Variants in JARID2 observed in about 807,000 individuals in gnomAD.
The protein encoded by JARID2 is protein Jumonji.
Under a neutral mutation model 125.6 loss-of-function variants are expected in JARID2, and 21 were observed. That is an observed-to-expected ratio of 0.17 (90% CI 0.12 to 0.24). JARID2 has a LOEUF of 0.24. Among genes scored for constraint, JARID2 ranks in the 10% least tolerant of loss-of-function variants. The pLI is 1.00. For synonymous variants in JARID2, 736 were observed against 661.6 expected, an observed-to-expected ratio of 1.11 and a Z score of -1.73; for missense variants, 1,303 against 1,639.6, an observed-to-expected ratio of 0.79 and a Z score of 3.55.
chr6:15,378,053 T>A (rs1052505600), intron 2 of JARID2, among the ~76,000 whole-genome samples: 17 of 151,702 alleles, frequency 1.1e-4, no homozygotes, highest in African/African-American at 4.1e-4. Flanking sequence ...CCCAGCTAAT[T>A]TTTTTGTGTA....
chr6:15,248,528 T>G (rs930592848), intron 1 of JARID2: 1 of 147,760 alleles, frequency 6.8e-6, no homozygotes, highest in South Asian at 2.1e-4. Flanking sequence ...CGGCCGAGCA[T>G]GGCGGCGGCG....
intron 3 of JARID2, among the ~76,000 whole-genome samples, chr6:15,445,816 G>A (rs1767649652): frequency 6.6e-6 from 1 of 152,218 alleles, no homozygotes; most frequent in Non-Finnish European, 1.5e-5. Context: ...GAATGGGCAA[G>A]TGGCATGGTA....
intron 1 of JARID2, among the ~76,000 whole-genome samples, chr6:15,309,223 G>A (rs1232744167): frequency 1.3e-5 from 2 of 151,986 alleles, no homozygotes; most frequent in Non-Finnish European, 2.9e-5. Flanking sequence ...ATCATCTTTG[G>A]GCTTAAAAAT....
chr6:15,347,341 G>T (rs957458757), intron 1 of JARID2, among the ~76,000 whole-genome samples: 7 of 152,180 alleles, frequency 4.6e-5, no homozygotes, highest in Non-Finnish European at 1.0e-4. Flanking sequence ...TGTGTGGGGA[G>T]GTGGTGGGAA....
intron 1 of JARID2, among the ~76,000 whole-genome samples, chr6:15,337,617 T>G (rs1450008418): frequency 6.6e-6 from 1 of 152,188 alleles, no homozygotes; most frequent in African/African-American, 2.4e-5. Context: ...GGAAAAGACA[T>G]AAGGATTAGG....
intron 1 of JARID2, among the ~76,000 whole-genome samples, chr6:15,357,928 T>G (rs1334824517): frequency 6.6e-6 from 1 of 152,232 alleles, no homozygotes; most frequent in Non-Finnish European, 1.5e-5. Context: ...TCTTCTGAGT[T>G]TACTGTTGTC....
At chr6:15,490,002 T>C (rs1330104369) in intron 6 of JARID2, among the ~76,000 whole-genome samples, 1 of 152,246 alleles carries the variant, frequency 6.6e-6, no homozygotes, top group Non-Finnish European at 1.5e-5. Context: ...TTAACCTTCC[T>C]GGGCCCTATT....
In JARID2 at chr6:15,274,873, A is replaced by G. The variant is rs1387232478; in HGVS notation, c.45+28289A>G. On this transcript the variant is annotated intron_variant, in intron 1 of 17. Coordinates refer to ENST00000341776, the MANE Select transcript of JARID2 (RefSeq NM_004973.4). ...AAAGCCACTGACAATCTGATGGTCT[A>G]AAGCTCCACCTGCAGTTAGAAAGAA... Among the ~76,000 whole-genome samples the G allele has an allele frequency of 4.6e-5, 7 of 152,196 alleles. No individual in the cohort carries two copies. In the East Asian group the frequency reaches 9.6e-4, roughly 21 times the overall value.
At chr6:15,356,870 T>C (rs1763616802) in intron 1 of JARID2, among the ~76,000 whole-genome samples, 1 of 151,960 alleles carries the variant, frequency 6.6e-6, no homozygotes, top group Admixed American at 6.6e-5. Context: ...CAACATTACC[T>C]GGTCTTGGTG....
At chr6:15,379,267 G>T (rs1241135722) in intron 2 of JARID2, among the ~76,000 whole-genome samples, 1 of 151,962 alleles carries the variant, frequency 6.6e-6, no homozygotes, top group Non-Finnish European at 1.5e-5. Context: ...ACAGCTTGTT[G>T]GTTATTGCTG....
At chr6:15,300,796 G>A (rs1761596267) in intron 1 of JARID2, among the ~76,000 whole-genome samples, 1 of 151,414 alleles carries the variant, frequency 6.6e-6, no homozygotes, top group African/African-American at 2.4e-5. Context: ...CCCCCTTTAT[G>A]TATGATTCTT....
chr6:15,475,179 G>C (rs16876416), intron 5 of JARID2, among the ~76,000 whole-genome samples: 13,859 of 152,256 alleles, frequency 0.091, 611 homozygotes, highest in African/African-American at 0.11. Context: ...ATTTCATTAT[G>C]AGTATCCATC....
intron 1 of JARID2, among the ~76,000 whole-genome samples, chr6:15,367,673 C>T (rs902520488): frequency 6.6e-6 from 1 of 152,186 alleles, no homozygotes; most frequent in African/African-American, 2.4e-5. Flanking sequence ...ACGATTACTT[C>T]GTTTCCCCCA....
chr6:15,362,353 T>G (rs1468895656), intron 1 of JARID2, among the ~76,000 whole-genome samples: 2 of 152,262 alleles, frequency 1.3e-5, no homozygotes, highest in Non-Finnish European at 2.9e-5. Context: ...ACTACTTGTT[T>G]ATTTCTAGGT....
intron 1 of JARID2, among the ~76,000 whole-genome samples, chr6:15,324,110 C>T (rs970232433): frequency 9.5e-5 from 14 of 147,886 alleles, no homozygotes; most frequent in Admixed American, 2.7e-4. Context: ...ACCGGGGAGG[C>T]AGAGCTTGCA....
At chr6:15,405,400 T>C (rs13208486) in intron 2 of JARID2, among the ~76,000 whole-genome samples, 15,010 of 152,310 alleles carry the variant, frequency 0.099, 857 homozygotes, top group South Asian at 0.18. Flanking sequence ...TAAATGGTCT[T>C]GGATCCCAGA....
chr6:15,408,976 C>T (rs866763699), intron 2 of JARID2, among the ~76,000 whole-genome samples: 15 of 152,124 alleles, frequency 9.9e-5, no homozygotes, highest in Admixed American at 7.2e-4. Context: ...AGTGAATAAC[C>T]GTGTGTTTTA....
chr6:15,258,430 G>A (rs981465061), intron 1 of JARID2, among the ~76,000 whole-genome samples: 3 of 152,136 alleles, frequency 2.0e-5, no homozygotes, highest in Non-Finnish European at 4.4e-5. Context: ...TTCATTATTG[G>A]CCTCTCAAGG....
chr6:15,480,875 A>G (rs1188504526), intron 5 of JARID2, among the ~76,000 whole-genome samples: 1 of 152,154 alleles, frequency 6.6e-6, no homozygotes, highest in African/African-American at 2.4e-5. Flanking sequence ...TCAGTTTCTC[A>G]TAGGGCTGCC....
Sources: allele counts gnomAD v4.1 joint callset (sites outside exome capture counted in the v4.1 genomes callset), GRCh38; gene constraint gnomAD v4.1.1; transcripts MANE v1.5; gene names NCBI Gene and HGNC (gene_info 2026-07-23, HGNC 2026-07-21).